Variants in TOP1 observed in about 807,000 individuals in gnomAD.
TOP1 encodes the protein DNA topoisomerase I.
In TOP1, 10 loss-of-function variants were observed where a neutral mutation model predicts 111.1. That is an observed-to-expected ratio of 0.09 (90% CI 0.06 to 0.15). The LOEUF is 0.15. Among genes scored for constraint, TOP1 ranks in the 10% least tolerant of loss-of-function variants. TOP1 has a pLI of 1.00. For missense variants in TOP1, 474 were observed against 926.7 expected (o/e 0.51, Z 6.34); for synonymous variants, 271 against 302.9 (o/e 0.89, Z 1.10).
chr20:41,116,425 C>A lies in TOP1; in HGVS notation c.1822+33C>A. 1 of 1,522,410 alleles carries A rather than the reference C, an allele frequency of 6.6e-7. No individual in the cohort carries two copies. The highest frequency in any genetic ancestry group is 9.1e-7 in the Non-Finnish European group (1 of 1,096,774). 94.3% of individuals were successfully genotyped at this position (1,522,410 alleles called of 1,614,324 possible). A position where few individuals can be genotyped will look rare whatever the true frequency, so the allele number is the denominator to read the frequency against. ...TTGCTTGGCCAGATAGGGCCCACAC[C>A]CCTACTAATGGTATCCGGTGACCTT... is the stretch of plus-strand genomic sequence containing the variant. On this transcript the variant is annotated intron_variant, in intron 17 of 20. Transcript: ENST00000361337. The surrounding 1 kb of genome is among the most constrained non-coding windows in gnomAD (Gnocchi z 5.6).
At chr20:41,031,933 T>C (rs903541966) in intron 2 of TOP1, among the ~76,000 whole-genome samples, 1 of 152,250 alleles carries the variant, frequency 6.6e-6, no homozygotes, top group Non-Finnish European at 1.5e-5. Context: ...AGTTCTGACA[T>C]TGGTGTAATT....
At position 41,080,731 on chromosome 20, in the gene TOP1, T is replaced by C. The variant is rs1274227689; in HGVS notation, c.432-434T>C. 6.6e-6 allele frequency among the ~76,000 whole-genome samples: 1 copy of C among 152,228 alleles called. No individual in the cohort carries two copies. The highest frequency in any genetic ancestry group is 1.5e-5 in the Non-Finnish European group (1 of 68,034). On this transcript the variant is annotated intron_variant, in intron 6 of 20. Transcript: ENST00000361337. The surrounding 1 kb of genome is among the most constrained non-coding windows in gnomAD (Gnocchi z 5.0). The stretch of plus-strand genomic sequence containing the variant: ...GGAAAGGGAGAAGGGAAATACTTAG[T>C]GAACTCATTTGTATTCATTCAATAT...
chr20:41,031,477 T>C (rs1210821174), intron 2 of TOP1, among the ~76,000 whole-genome samples: 1 of 152,244 alleles, frequency 6.6e-6, no homozygotes, highest in Non-Finnish European at 1.5e-5. Flanking sequence ...TATTGATCTT[T>C]ACTGACATTT....
chr20:41,030,678 C>T lies in TOP1; in HGVS notation c.58+1223C>T, dbSNP rs563631209. ...GGAATTCCCACTGATTTTGATGGTA[C>T]ATAATCCTGCTCAATTGAGTTTGGG... On this transcript the variant is annotated intron_variant, in intron 2 of 20. Transcript: ENST00000361337. This position sits in a 1 kb window ranked among gnomAD's most constrained non-coding sequence, Gnocchi z 4.1. Among the ~76,000 whole-genome samples, 1 of 152,280 alleles carries T rather than the reference C, an allele frequency of 6.6e-6. No homozygotes were observed. Among genetic ancestry groups the T allele is most frequent in the South Asian group, 2.1e-4 (1 of 4,830 alleles).
intron 17 of TOP1, among the ~76,000 whole-genome samples, chr20:41,117,461 C>G (rs1255740390): frequency 2.1e-5 from 3 of 140,040 alleles, no homozygotes; most frequent in Non-Finnish European, 4.5e-5. Flanking sequence ...TCTCGGCTCA[C>G]TGCAAGCTCC....
chr20:41,060,648 G>A (rs927169078), intron 2 of TOP1, among the ~76,000 whole-genome samples: 4 of 152,108 alleles, frequency 2.6e-5, no homozygotes, highest in African/African-American at 9.7e-5. Context: ...ATTTGTAGGG[G>A]ATTGGTTCCA....
At position 41,121,905 on chromosome 20, in the gene TOP1, T is replaced by G. The variant is rs1406787443; in HGVS notation, c.2046-101T>G. On this transcript the variant is annotated intron_variant, in intron 19 of 20. Transcript: ENST00000361337. The surrounding 1 kb of genome is among the most constrained non-coding windows in gnomAD (Gnocchi z 4.2). ...TTCTGAGAAATGTCTTTTGGAAATC[T>G]CTATACTAGGGCTTTTATTGACTCA... 3.8e-6 allele frequency: 6 copies of G among 1,563,644 alleles called. No homozygotes were observed. In the African/African-American group the frequency reaches 6.9e-5, roughly 18 times the overall value.
chr20:41,113,879 C>CAAAA (rs552197714), intron 14 of TOP1, 91 bp from the exon 15 acceptor site: 164 of 661,866 alleles, frequency 2.5e-4, no homozygotes, highest in African/African-American at 7.4e-4. Context: ...GAGACTGTCT[C>CAAAA]AAAAAAAAAA....
At chr20:41,096,568 G>A (rs988295077) in intron 9 of TOP1, among the ~76,000 whole-genome samples, 1 of 152,162 alleles carries the variant, frequency 6.6e-6, no homozygotes, top group Non-Finnish European at 1.5e-5. Context: ...CTAGGAGGGG[G>A]CCTGGGATTC....
chr20:41,104,688 T>C (rs2034118116), intron 13 of TOP1, among the ~76,000 whole-genome samples: 1 of 152,202 alleles, frequency 6.6e-6, no homozygotes, highest in Non-Finnish European at 1.5e-5. Flanking sequence ...AGAAAGTGCC[T>C]GACTTGAACT....
rs372874479 is a variant in TOP1 at position 41,085,217 on chromosome 20, A to C, written c.614+649A>C. ...ATGTGAGGAACAGTCAGTTTAGTAA[A>C]ATAGTTAATAAGCATCTAAAAATGT... is the stretch of plus-strand genomic sequence containing the variant. On this transcript the variant is annotated intron_variant, in intron 8 of 20. Coordinates refer to ENST00000361337, the MANE Select transcript of TOP1 (RefSeq NM_003286.4). Among the ~76,000 whole-genome samples, 8 of 152,240 alleles carry C rather than the reference A, an allele frequency of 5.3e-5. No individual in the cohort carries two copies. In the East Asian group the frequency reaches 9.6e-4, roughly 18 times the overall value.
rs1159951535 is a variant in TOP1 at position 41,102,211 on chromosome 20, G to A, written c.1308+858G>A. Among the ~76,000 whole-genome samples the A allele has an allele frequency of 6.6e-6, 1 of 152,186 alleles. No homozygotes were observed. Among genetic ancestry groups the A allele is most frequent in the African/African-American group, 2.4e-5 (1 of 41,434 alleles). On this transcript the variant is annotated intron_variant, in intron 13 of 20. Coordinates refer to ENST00000361337, the MANE Select transcript of TOP1 (RefSeq NM_003286.4). The surrounding 1 kb of genome is among the most constrained non-coding windows in gnomAD (Gnocchi z 4.0). ...ACAGCTGAAAAGGCTATGTGAATAGGCAAGACTAAACTGTACATTTTCTGG... is the reference window on the plus strand; with the variant it reads ...ACAGCTGAAAAGGCTATGTGAATAGACAAGACTAAACTGTACATTTTCTGG...
chr20:41,047,815 T>A (rs968024589), intron 2 of TOP1, among the ~76,000 whole-genome samples: 1 of 152,156 alleles, frequency 6.6e-6, no homozygotes, highest in Non-Finnish European at 1.5e-5. Context: ...TCTTGGTATG[T>A]AGCCTCTAGC....
intron 3 of TOP1, among the ~76,000 whole-genome samples, chr20:41,074,765 A>G (rs2145934101): frequency 6.6e-6 from 1 of 152,360 alleles, no homozygotes; most frequent in South Asian, 2.1e-4. Context: ...TGGGATGGAC[A>G]TAGCCTAATG....
chr20:41,042,931 T>C (rs529237626), intron 2 of TOP1, among the ~76,000 whole-genome samples: 5 of 152,224 alleles, frequency 3.3e-5, no homozygotes, highest in Non-Finnish European at 1.5e-5. Context: ...CATAAAAGCC[T>C]TCATCCTCAT....
intron 8 of TOP1, among the ~76,000 whole-genome samples, chr20:41,086,518 C>T (rs2033850536): frequency 6.6e-6 from 1 of 152,222 alleles, no homozygotes; most frequent in Non-Finnish European, 1.5e-5. Flanking sequence ...TTATCAGGAG[C>T]TCCCTGCTGT....
rs1332325750 is a variant in TOP1, at chr20:41,101,206, C to T, written c.1164-3C>T. On this transcript the variant is annotated splice_polypyrimidine_tract_variant and splice_region_variant and intron_variant, in intron 12 of 20. Coordinates refer to ENST00000361337, the MANE Select transcript of TOP1 (RefSeq NM_003286.4). This position sits in a 1 kb window ranked among gnomAD's most constrained non-coding sequence, Gnocchi z 4.1. ...CACTATCCTCGTGCTCTGTTATTTC[C>T]AGAGATGCCAAGGTTCCTTCTCCTC... 2 of 1,613,860 alleles carry T rather than the reference C, an allele frequency of 1.2e-6. No homozygotes were observed. The highest frequency in any genetic ancestry group is 2.2e-5 in the South Asian group (2 of 91,072).
intron 2 of TOP1, among the ~76,000 whole-genome samples, chr20:41,048,233 T>G (rs1329886123): frequency 6.6e-6 from 1 of 152,168 alleles, no homozygotes; most frequent in Non-Finnish European, 1.5e-5. Flanking sequence ...TATTTGCTAT[T>G]AATATTGCTC....
At chr20:41,090,410 A>G (rs570900457) in intron 8 of TOP1, among the ~76,000 whole-genome samples, 18 of 152,326 alleles carry the variant, frequency 1.2e-4, no homozygotes, top group African/African-American at 4.3e-4. Context: ...TATCAGATAC[A>G]TGATTTACAA....
Sources: allele counts gnomAD v4.1 joint callset (sites outside exome capture counted in the v4.1 genomes callset), GRCh38; gene constraint gnomAD v4.1.1; non-coding constraint Gnocchi (gnomAD v3.1); transcripts MANE v1.5; gene names NCBI Gene and HGNC (gene_info 2026-07-23, HGNC 2026-07-21).